Variants in GRIA2 observed in about 807,000 individuals in gnomAD.
GRIA2 encodes glutamate ionotropic receptor AMPA type subunit 2, also known as glutamate receptor 2.
GRIA2 carries 14 observed loss-of-function variants against 97.3 expected under a neutral mutation model. The ratio of observed to expected loss-of-function variants is 0.14; its 90% CI spans 0.10 to 0.23. The LOEUF is 0.23. Among genes scored for constraint, GRIA2 ranks in the 10% least tolerant of loss-of-function variants. The pLI is 1.00. For synonymous variants in GRIA2, 412 were observed against 387.8 expected (o/e 1.06, Z -0.73); for missense variants, 558 against 1,069.8 (o/e 0.52, Z 6.67).
In GRIA2 at chr4:157,359,975, C is replaced by G. The variant is rs1458805436; in HGVS notation, c.2123C>G (p.Ala708Gly). 6.2e-7 allele frequency: 1 copy of G among 1,613,766 alleles called. No individual in the cohort carries two copies. Among genetic ancestry groups the G allele is most frequent in the South Asian group, 1.1e-5 (1 of 91,070 alleles). ...AEPSVFVRTT[A>G]EGVARVRKSK... ...CCCTCTGTGTTTGTGAGGACTACGG[C>G]CGAAGGGGTGGCTAGAGTGCGGAAG... The change falls in exon 13 of 16, where the codon GCC becomes GGC. Residue 708 changes from alanine to glycine, a missense_variant. Transcript: ENST00000264426.
At chr4:157,227,434 GT>G (rs1560999904) in intron 2 of GRIA2, among the ~76,000 whole-genome samples, 2 of 152,132 alleles carry the variant, frequency 1.3e-5, no homozygotes, top group Non-Finnish European at 2.9e-5. Flanking sequence ...ATATAATCAA[GT>G]TTTCAGAGAG....
intron 12 of GRIA2, 76 bp downstream of exon 12, chr4:157,341,538 GT>G: frequency 3.1e-6 from 3 of 982,540 alleles, no homozygotes; most frequent in Non-Finnish European, 4.9e-6. Flanking sequence ...CCCTCCCATA[GT>G]CAATTCCAAG....
intron 2 of GRIA2, among the ~76,000 whole-genome samples, chr4:157,288,634 C>A (rs999804558): frequency 1.3e-5 from 2 of 151,654 alleles, no homozygotes; most frequent in South Asian, 2.1e-4. Flanking sequence ...TAATCTCTTT[C>A]AAAATTCAGG....
chr4:157,262,587 T>A (rs563685692), intron 2 of GRIA2, among the ~76,000 whole-genome samples: 98 of 152,188 alleles, frequency 6.4e-4, no homozygotes, highest in Non-Finnish European at 1.2e-3. Flanking sequence ...AGTCTAGCTT[T>A]CCTCTAAGCC....
At chr4:157,237,226 G>T (rs182406609) in intron 2 of GRIA2, among the ~76,000 whole-genome samples, 2 of 151,218 alleles carry the variant, frequency 1.3e-5, no homozygotes, top group East Asian at 1.9e-4. Flanking sequence ...CCTTCGTAAG[G>T]TTAGCCAATT....
intron 2 of GRIA2, among the ~76,000 whole-genome samples, chr4:157,296,526 A>C (rs1278546892): frequency 6.6e-6 from 1 of 152,244 alleles, no homozygotes; most frequent in African/African-American, 2.4e-5. Context: ...ATAATTTATA[A>C]TTTTTTCCAG....
intron 2 of GRIA2, among the ~76,000 whole-genome samples, chr4:157,283,344 G>A (rs998666036): frequency 1.3e-5 from 2 of 151,882 alleles, no homozygotes; most frequent in Non-Finnish European, 2.9e-5. Context: ...CAGAAGGGGC[G>A]TATCTCCTAG....
intron 11 of GRIA2, among the ~76,000 whole-genome samples, chr4:157,338,194 G>A (rs1379066726): frequency 2.6e-5 from 4 of 151,258 alleles, no homozygotes; most frequent in South Asian, 2.1e-4. Flanking sequence ...TTGGGGTCTC[G>A]GAGAACATTC....
intron 13 of GRIA2, 115 bp from the exon 14 acceptor site, chr4:157,360,895 A>C (rs1579394460): frequency 1.3e-6 from 1 of 761,786 alleles, no homozygotes; most frequent in South Asian, 1.6e-5. Context: ...TTCCCACTTC[A>C]TTTTTTTGTG....
chr4:157,262,373 CT>C (rs908754602), intron 2 of GRIA2, among the ~76,000 whole-genome samples: 1 of 151,904 alleles, frequency 6.6e-6, no homozygotes, highest in African/African-American at 2.4e-5. Context: ...ATAATGGTAA[CT>C]TTTTTTTGCT....
At chr4:157,244,247 A>C (rs1403204717) in intron 2 of GRIA2, among the ~76,000 whole-genome samples, 1 of 152,048 alleles carries the variant, frequency 6.6e-6, no homozygotes, top group African/African-American at 2.4e-5. Flanking sequence ...GTGGGCAAAA[A>C]CAAATAAACC....
intron 2 of GRIA2, among the ~76,000 whole-genome samples, chr4:157,248,038 C>G (rs1169026514): frequency 6.6e-6 from 1 of 151,792 alleles, no homozygotes; most frequent in Non-Finnish European, 1.5e-5. Context: ...GTTTTGTACT[C>G]TGGGGATAAC....
chr4:157,293,640 C>T (rs1367309431), intron 2 of GRIA2, among the ~76,000 whole-genome samples: 1 of 152,092 alleles, frequency 6.6e-6, no homozygotes, highest in Non-Finnish European at 1.5e-5. Context: ...CTATAATATA[C>T]TCCTGCTATT....
intron 12 of GRIA2, among the ~76,000 whole-genome samples, chr4:157,342,703 A>G (rs1735601413): frequency 6.6e-6 from 1 of 152,006 alleles, no homozygotes; most frequent in African/African-American, 2.4e-5. Flanking sequence ...GCTTGCTTTT[A>G]TCTTATTTGG....
At chr4:157,353,986 A>G (rs1031057460) in intron 12 of GRIA2, among the ~76,000 whole-genome samples, 1 of 152,104 alleles carries the variant, frequency 6.6e-6, no homozygotes, top group Non-Finnish European at 1.5e-5. Flanking sequence ...GAGTTTTCAT[A>G]TAAAATGTCA....
intron 6 of GRIA2, among the ~76,000 whole-genome samples, chr4:157,327,232 CTA>C (rs963051143): frequency 4.6e-5 from 7 of 151,790 alleles, no homozygotes; most frequent in Non-Finnish European, 8.8e-5. Flanking sequence ...AGTAAGCACA[CTA>C]TAGATATTTG....
At chr4:157,261,290 T>C (rs1280323389) in intron 2 of GRIA2, among the ~76,000 whole-genome samples, 2 of 152,164 alleles carry the variant, frequency 1.3e-5, no homozygotes. Context: ...GTATTCAGAA[T>C]ATGAGTATGC....
intron 2 of GRIA2, among the ~76,000 whole-genome samples, chr4:157,285,322 A>G (rs958251565): frequency 7.3e-5 from 11 of 151,484 alleles, no homozygotes; most frequent in Admixed American, 6.6e-4. Context: ...TTTCACTTAT[A>G]TTGGATACAG....
chr4:157,224,758 T>C (rs1729668592), intron 2 of GRIA2, among the ~76,000 whole-genome samples: 1 of 152,102 alleles, frequency 6.6e-6, no homozygotes, highest in African/African-American at 2.4e-5. Context: ...TTTTCTTGCC[T>C]TTTTATTCAG....
Sources: allele counts gnomAD v4.1 joint callset (sites outside exome capture counted in the v4.1 genomes callset), GRCh38; gene constraint gnomAD v4.1.1; transcripts MANE v1.5; gene names NCBI Gene and HGNC (gene_info 2026-07-23, HGNC 2026-07-21).